SRP68: variants seen among roughly 807,000 people sequenced by gnomAD.
SRP68 encodes the protein signal recognition particle subunit SRP68.
In SRP68, 15 loss-of-function variants were observed where a neutral mutation model predicts 82.2. That is an observed-to-expected ratio of 0.18 (90% CI 0.12 to 0.28). The LOEUF (loss-of-function observed/expected upper bound fraction) is 0.28. Among genes scored for constraint, SRP68 ranks in the 10% least tolerant of loss-of-function variants. The pLI, the probability that SRP68 is intolerant of heterozygous loss-of-function variation, is 1.00. For synonymous variants in SRP68, 261 were observed against 292.6 expected, an observed-to-expected ratio of 0.89 and a Z score of 1.10; for missense variants, 595 against 780.5, an observed-to-expected ratio of 0.76 and a Z score of 2.83.
chr17:76,062,744 T>TATATATATAAA (rs1555629441), intron 4 of SRP68, among the ~76,000 whole-genome samples: 11 of 74,066 alleles, frequency 1.5e-4, no homozygotes, highest in Non-Finnish European at 2.0e-4. Flanking sequence ...TATATATATA[T>TATATATATAAA]ATATATATAT....
chr17:76,048,662 G>T (rs920696386), intron 9 of SRP68: 2 of 152,206 alleles, frequency 1.3e-5, no homozygotes, highest in Admixed American at 1.3e-4. Context: ...TACTGGAAAA[G>T]GATTCCCCTA....
At chr17:76,062,070 A>G (rs1046545349) in intron 4 of SRP68, among the ~76,000 whole-genome samples, 1 of 152,140 alleles carries the variant, frequency 6.6e-6, no homozygotes, top group East Asian at 1.9e-4. Context: ...GGATCACCTG[A>G]GGTCAGGAGT....
rs75829986 is a variant in SRP68 at position 76,042,910 on chromosome 17, T to C, written c.1524+919A>G. On this transcript the variant is annotated intron_variant, in intron 13 of 15. Coordinates refer to ENST00000307877, the MANE Select transcript of SRP68 (RefSeq NM_014230.4). ...CTGTGGCTGTACTTTAGATCAAGCA[T>C]TTCCTTAGCTTTAACAGACCCCCAA... Among the ~76,000 whole-genome samples, 705 of 152,200 alleles carry C rather than the reference T, an allele frequency of 4.6e-3. 27 individuals are homozygous for C. In the East Asian group the frequency reaches 0.09, roughly 19 times the overall value.
chr17:76,058,559 C>T (rs1308561792), intron 7 of SRP68, among the ~76,000 whole-genome samples: 4 of 152,118 alleles, frequency 2.6e-5, no homozygotes, highest in Admixed American at 2.6e-4. Flanking sequence ...CTGCTGGCCA[C>T]CAATTTCTAT....
Position 76,061,169 on chromosome 17 carries a change from A to G in SRP68, c.695T>C (p.Leu232Pro). The G allele has an allele frequency of 1.2e-6, 2 of 1,614,106 alleles. No homozygotes were observed. Among genetic ancestry groups the G allele is most frequent in the Non-Finnish European group, 8.5e-7 (1 of 1,179,936 alleles). Residue 232 changes from leucine to proline, a missense_variant, in exon 6 of 16, where the codon CTG (leucine) becomes CCG (proline). This residue lies in a region of SRP68 where 495 missense variants were observed against 688.6 expected (regional missense o/e 0.72). Coordinates refer to ENST00000307877, the MANE Select transcript of SRP68 (RefSeq NM_014230.4). ...AATCTCTTCCACACGTTGGTTATACAGCACAGCCTGCTCCTCTGTGAAAGC... is the reference window on the plus strand; with the variant it reads ...AATCTCTTCCACACGTTGGTTATACGGCACAGCCTGCTCCTCTGTGAAAGC... ...ASAFTEEQAV[L>P]YNQRVEEISP... is the part of the protein sequence containing the mutation.
At chr17:76,046,238 G>A (rs1252142987) in intron 10 of SRP68, 44 bp from the exon 11 acceptor site, 20 of 1,605,322 alleles carry the variant, frequency 1.2e-5, no homozygotes, top group African/African-American at 6.7e-5. Context: ...TCAGAGAAGC[G>A]GAGGAACTGG....
intron 7 of SRP68, among the ~76,000 whole-genome samples, chr17:76,058,419 C>A (rs1303352563): frequency 1.3e-5 from 2 of 152,020 alleles, no homozygotes; most frequent in Admixed American, 6.6e-5. Flanking sequence ...CTGTGCCCAG[C>A]CTCTGAAAAA....
intron 12 of SRP68, 54 bp downstream of exon 12, chr17:76,045,238 A>G (rs376628368): frequency 2.7e-4 from 382 of 1,408,960 alleles, no homozygotes; most frequent in Non-Finnish European, 3.5e-4. Context: ...CATGCTCCCA[A>G]TGCTTATAGA....
At chr17:76,043,465 T>C (rs564011907) in intron 13 of SRP68, 1 of 161,146 alleles carries the variant, frequency 6.2e-6, no homozygotes, top group African/African-American at 2.4e-5. Context: ...TCCCTCACAC[T>C]GATTAGAACC....
At chr17:76,043,124 T>C (rs2665978) in intron 13 of SRP68, among the ~76,000 whole-genome samples, 79,728 of 151,556 alleles carry the variant, frequency 0.53, 23,785 homozygotes, top group African/African-American at 0.82. Context: ...ATTGGCCTGG[T>C]ATGGTGGCTC....
intron 11 of SRP68, 132 bp downstream of exon 11, chr17:76,045,906 C>A (rs981288532): frequency 1.4e-5 from 16 of 1,118,196 alleles, no homozygotes; most frequent in Middle Eastern, 3.0e-4. Flanking sequence ...GGTGTAAGAT[C>A]TTTGTCTCTT....
At chr17:76,061,422 T>A in intron 5 of SRP68, 70 bp downstream of exon 5, 4 of 1,355,124 alleles carry the variant, frequency 3.0e-6, no homozygotes, top group Non-Finnish European at 4.2e-6. Flanking sequence ...CAATCCACTA[T>A]CTGATCTGCA....
chr17:76,054,168 G>C (rs1339803417), intron 8 of SRP68, among the ~76,000 whole-genome samples: 1 of 152,192 alleles, frequency 6.6e-6, no homozygotes, highest in Admixed American at 6.5e-5. Flanking sequence ...AGGTTCTCTC[G>C]TCAGGCTCAG....
chr17:76,059,394 T>C (rs1294099877), intron 7 of SRP68, among the ~76,000 whole-genome samples: 1 of 151,794 alleles, frequency 6.6e-6, no homozygotes, highest in Non-Finnish European at 1.5e-5. Flanking sequence ...ATACAAAAAT[T>C]AGCCGGGCGT....
chr17:76,070,850 GCACACACACACA>G (rs71891783), intron 1 of SRP68, among the ~76,000 whole-genome samples: 9 of 146,780 alleles, frequency 6.1e-5, no homozygotes, highest in South Asian at 2.2e-4. Flanking sequence ...ACATGCACAT[GCACACACACACA>G]CACACACACA....
Position 76,072,376 on chromosome 17 carries a change from T to C in SRP68, c.116A>G (p.Lys39Arg). ...GGRGAGGEEN[K>R]ENERPSAGSK... ...TCCGGCCGAAGGGCGTTCGTTTTCT[T>C]TATTTTCTTCCCCTCCGGCACCACG... The change falls in exon 1 of 16, where the codon AAA becomes AGA. Residue 39 changes from lysine (K) to arginine (R), a missense_variant. Transcript: ENST00000307877. The surrounding 1 kb of genome is among the most constrained non-coding windows in gnomAD (Gnocchi z 4.5). 6.2e-7 allele frequency: 1 copy of C among 1,612,128 alleles called. No individual in the cohort carries two copies. Among genetic ancestry groups the C allele is most frequent in the Middle Eastern group, 1.7e-4 (1 of 6,058 alleles).
chr17:76,039,710 C>T lies in SRP68; in HGVS notation c.1880G>A (p.Ser627Asn), dbSNP rs2066574629. The T allele has an allele frequency of 1.2e-6, 2 of 1,611,674 alleles. No individual in the cohort carries two copies. Among genetic ancestry groups the T allele is most frequent in the Non-Finnish European group, 1.7e-6 (2 of 1,177,798 alleles). The change falls in exon 16 of 16, where the codon AGC becomes AAC. Residue 627 changes from serine (S) to asparagine (N), a missense_variant. Transcript: ENST00000307877. The stretch of plus-strand genomic sequence containing the variant: ...CGCCCCCGAGGAAGAGCCTGGTTAG[C>T]TCCTGAATCCAAAGATGCCCTTGAT... ...GYIKGIFGFR[S>N]
chr17:76,072,327 C>G lies in SRP68; in HGVS notation c.165G>C (p.Gly55=). ...GGATACTCTCCAAACTCAGGCTATC[C>G]CCAAATTCTTTGTTTGCCTTCGATC... is the stretch of plus-strand genomic sequence containing the variant. The part of the protein sequence containing the change: ...SAGSKANKEF[G]DSLSLEILQI... The change falls in exon 1 of 16, where the codon GGG becomes GGC. Residue 55 remains glycine, a synonymous_variant. Coordinates refer to ENST00000307877, the MANE Select transcript of SRP68 (RefSeq NM_014230.4). This position sits in a 1 kb window ranked among gnomAD's most constrained non-coding sequence, Gnocchi z 4.5. 6.2e-7 allele frequency: 1 copy of G among 1,612,404 alleles called. No individual in the cohort carries two copies. Among genetic ancestry groups the G allele is most frequent in the Non-Finnish European group, 8.5e-7 (1 of 1,179,528 alleles).
rs76378734 is a variant in SRP68 at position 76,071,652 on chromosome 17, G to A, written c.184+656C>T. On this transcript the variant is annotated intron_variant, in intron 1 of 15. Coordinates refer to ENST00000307877, the MANE Select transcript of SRP68 (RefSeq NM_014230.4). This position sits in a 1 kb window ranked among gnomAD's most constrained non-coding sequence, Gnocchi z 4.7. ...AAACTCGCCTACGTTTTCTCCATTT[G>A]TTATTCATTTCAAAAGGTCACAAAC... is the stretch of plus-strand genomic sequence containing the variant. Among the ~76,000 whole-genome samples the A allele has an allele frequency of 5.9e-3, 903 of 152,264 alleles. 14 individuals are homozygous for A. Among genetic ancestry groups the A allele is most frequent in the East Asian group, 0.039 (201 of 5,178 alleles).
Sources: allele counts gnomAD v4.1 joint callset (sites outside exome capture counted in the v4.1 genomes callset), GRCh38; gene constraint gnomAD v4.1.1; regional missense constraint gnomAD v4.1.1; non-coding constraint Gnocchi (gnomAD v3.1); transcripts MANE v1.5; gene names NCBI Gene and HGNC (gene_info 2026-07-23, HGNC 2026-07-21).